NAALADL2: variants seen among roughly 807,000 people sequenced by gnomAD.
NAALADL2 encodes the protein N-acetylated alpha-linked acidic dipeptidase like 2, also known as inactive N-acetylated-alpha-linked acidic dipeptidase-like protein 2.
In NAALADL2, 76 loss-of-function variants were observed where a neutral mutation model predicts 87.2. That is an observed-to-expected ratio of 0.87 (90% confidence interval 0.72 to 1.05). NAALADL2 has a LOEUF of 1.05. Ranked by LOEUF, NAALADL2 falls within the 50% of genes least tolerant of loss-of-function variation. NAALADL2 has a pLI of 0.00. For synonymous variants in NAALADL2, 354 were observed against 331.0 expected, an observed-to-expected ratio of 1.07 and a Z score of -0.75; for missense variants, 1,089 against 945.8, an observed-to-expected ratio of 1.15 and a Z score of -1.99.
At chr3:175,020,451 T>C (rs9812399) in intron 1 of NAALADL2, among the ~76,000 whole-genome samples, 22,764 of 152,068 alleles carry the variant, frequency 0.15, 2,354 homozygotes, top group African/African-American at 0.3. Flanking sequence ...CTAGATTCTC[T>C]TATTATCTCC....
At chr3:175,771,864 C>G (rs1749530941) in intron 13 of NAALADL2, among the ~76,000 whole-genome samples, 1 of 152,036 alleles carries the variant, frequency 6.6e-6, no homozygotes, top group South Asian at 2.1e-4. Flanking sequence ...CTGTGGAGGC[C>G]TCAGGAAACT....
intron 11 of NAALADL2, among the ~76,000 whole-genome samples, chr3:175,658,788 C>A (rs1228966369): frequency 1.3e-5 from 2 of 152,008 alleles, no homozygotes; most frequent in Non-Finnish European, 2.9e-5. Context: ...TTATTATTAT[C>A]TAAAGTTGTA....
intron 1 of NAALADL2, among the ~76,000 whole-genome samples, chr3:175,028,585 C>T (rs1312502695): frequency 6.6e-6 from 1 of 151,818 alleles, no homozygotes; most frequent in African/African-American, 2.4e-5. Context: ...CCATTTTTAC[C>T]TCAGAAGTTC....
intron 1 of NAALADL2, among the ~76,000 whole-genome samples, chr3:174,975,647 G>A (rs1342651591): frequency 6.6e-6 from 1 of 152,062 alleles, no homozygotes; most frequent in African/African-American, 2.4e-5. Flanking sequence ...ATGGTGATGG[G>A]CTAGTTGCTG....
rs140707506 is a variant in NAALADL2 at position 175,555,626 on chromosome 3, CATGT to C, written c.1654-20412_1654-20409del. Among the ~76,000 whole-genome samples the C allele has an allele frequency of 3.3e-3, 496 of 152,122 alleles. 4 individuals are homozygous for C. The highest frequency in any genetic ancestry group is 6.0e-3 in the Non-Finnish European group (405 of 67,994). On this transcript the variant is annotated intron_variant, in intron 9 of 13. Transcript: ENST00000454872. Reference sequence around the variant, plus strand: ...TTTCTAAAGCATGTCATACTTAGCACATGTATAGTAAATAGCTGTTGATTGTGCA... The same window carrying C: ...TTTCTAAAGCATGTCATACTTAGCACATAGTAAATAGCTGTTGATTGTGCA...
chr3:174,594,850 G>A (rs1290590040), intron 2 of NAALADL2, among the ~76,000 whole-genome samples: 2 of 152,170 alleles, frequency 1.3e-5, no homozygotes, highest in African/African-American at 2.4e-5. Flanking sequence ...AAATCCTAGT[G>A]CCACTTATCA....
chr3:175,070,008 G>T (rs1715308279), intron 1 of NAALADL2, among the ~76,000 whole-genome samples: 1 of 141,442 alleles, frequency 7.1e-6, no homozygotes, highest in Non-Finnish European at 1.5e-5. Flanking sequence ...TCTGGGGACT[G>T]TTGTGGGGTA....
chr3:175,365,610 T>A (rs10490875), intron 5 of NAALADL2, among the ~76,000 whole-genome samples: 3,963 of 147,322 alleles, frequency 0.027, 367 homozygotes, highest in African/African-American at 0.091. Context: ...TGTTTGGTGG[T>A]CATCCTTCTC....
At chr3:175,159,521 T>G (rs926266867) in intron 2 of NAALADL2, among the ~76,000 whole-genome samples, 1 of 152,196 alleles carries the variant, frequency 6.6e-6, no homozygotes, top group African/African-American at 2.4e-5. Context: ...TGACAGGAAG[T>G]GAAATAATTT....
At chr3:174,535,727 G>A (rs1462025927) in intron 1 of NAALADL2, among the ~76,000 whole-genome samples, 9 of 151,992 alleles carry the variant, frequency 5.9e-5, no homozygotes, top group Non-Finnish European at 1.2e-4. Flanking sequence ...AATGCTGTGG[G>A]TTACATTGCC....
intron 2 of NAALADL2, among the ~76,000 whole-genome samples, chr3:174,603,204 T>C (rs780012712): frequency 6.6e-6 from 1 of 152,058 alleles, no homozygotes; most frequent in Non-Finnish European, 1.5e-5. Flanking sequence ...CTTCTTTATG[T>C]TTGGTAAAAT....
intron 1 of NAALADL2, among the ~76,000 whole-genome samples, chr3:174,880,566 TC>T (rs1256764246): frequency 6.6e-6 from 1 of 152,046 alleles, no homozygotes; most frequent in African/African-American, 2.4e-5. Context: ...CTTGCATCTC[TC>T]AACACAGACT....
chr3:175,323,772 G>C (rs542824880), intron 4 of NAALADL2, among the ~76,000 whole-genome samples: 15 of 151,690 alleles, frequency 9.9e-5, no homozygotes, highest in Non-Finnish European at 1.6e-4. Context: ...AATCCCAGCA[G>C]TTTGGGAGGC....
chr3:174,504,243 T>C (rs1719074823), intron 1 of NAALADL2, among the ~76,000 whole-genome samples: 1 of 152,186 alleles, frequency 6.6e-6, no homozygotes, highest in Non-Finnish European at 1.5e-5. Flanking sequence ...AAATAATATA[T>C]AAATTTTTAG....
chr3:175,733,869 A>T (rs1471246776), intron 11 of NAALADL2, among the ~76,000 whole-genome samples: 1 of 152,200 alleles, frequency 6.6e-6, no homozygotes, highest in Non-Finnish European at 1.5e-5. Flanking sequence ...GGGCAGTCAA[A>T]TCTTAAAGCT....
chr3:174,878,793 A>G (rs1021344269), intron 1 of NAALADL2, among the ~76,000 whole-genome samples: 3 of 152,016 alleles, frequency 2.0e-5, no homozygotes, highest in Admixed American at 1.3e-4. Flanking sequence ...TTCATACCTC[A>G]GAAGACATGT....
chr3:175,039,644 C>T (rs1560504420), intron 1 of NAALADL2, among the ~76,000 whole-genome samples: 1 of 152,100 alleles, frequency 6.6e-6, no homozygotes, highest in Admixed American at 6.6e-5. Flanking sequence ...TACTTTGACC[C>T]TTTACCATTA....
intron 2 of NAALADL2, among the ~76,000 whole-genome samples, chr3:174,637,588 T>C (rs1722770599): frequency 1.3e-5 from 2 of 152,136 alleles, no homozygotes; most frequent in African/African-American, 4.8e-5. Flanking sequence ...CACTGAAGAA[T>C]ATTTTTATTT....
rs1384939551 is a variant in NAALADL2, at chr3:175,627,392, G to A, written c.1896+6G>A. 1 of 1,507,812 alleles carries A rather than the reference G, an allele frequency of 6.6e-7. No individual in the cohort carries two copies. The highest frequency in any genetic ancestry group is 9.0e-7 in the Non-Finnish European group (1 of 1,110,202). 93.4% of individuals were successfully genotyped at this position (1,507,812 alleles called of 1,614,324 possible). ...TTCATGAAACCATTACTAAGGTAGG[G>A]GAGAAATGCATTCAAAAATAGGTGA... On this transcript the variant is annotated splice_donor_region_variant and intron_variant, in intron 11 of 13. Coordinates refer to ENST00000454872, the MANE Select transcript of NAALADL2 (RefSeq NM_207015.3).
Sources: gnomAD v4.1 joint callset for allele counts (sites outside exome capture counted in the v4.1 genomes callset) on GRCh38, gnomAD v4.1.1 for gene constraint, MANE v1.5 for transcripts, NCBI Gene and HGNC (gene_info 2026-07-23, HGNC 2026-07-21) for gene names.